RALGAPA1: variants seen among roughly 807,000 people sequenced by gnomAD.
RALGAPA1 encodes the protein ral GTPase-activating protein subunit alpha-1.
Under a neutral mutation model 269.6 loss-of-function variants are expected in RALGAPA1, and 52 were observed. The ratio of observed to expected loss-of-function variants is 0.19; its 90% CI spans 0.15 to 0.24. RALGAPA1 has a LOEUF of 0.24. Among genes scored for constraint, RALGAPA1 ranks in the 10% least tolerant of loss-of-function variants. RALGAPA1 has a pLI of 1.00. For missense variants in RALGAPA1, 1,917 were observed against 3,013.9 expected (o/e 0.64, Z 8.52); for synonymous variants, 817 against 1,008.3 (o/e 0.81, Z 3.60).
intron 14 of RALGAPA1, chr14:35,723,825 A>C (rs1452767935): frequency 1.3e-5 from 2 of 152,180 alleles, no homozygotes; most frequent in Non-Finnish European, 2.9e-5. Flanking sequence ...CAGGATAAAA[A>C]AATTCATAAA....
At chr14:35,645,346 GGT>G (rs58039867) in intron 31 of RALGAPA1, among the ~76,000 whole-genome samples, 31,150 of 129,366 alleles carry the variant, frequency 0.24, 3,639 homozygotes, top group Admixed American at 0.31. Flanking sequence ...TATAGAGATG[GGT>G]GTGTGTGTGT....
At chr14:35,701,640 TTTTTTC>T (rs1425376804) in intron 16 of RALGAPA1, among the ~76,000 whole-genome samples, 1 of 152,168 alleles carries the variant, frequency 6.6e-6, no homozygotes, top group Non-Finnish European at 1.5e-5. Flanking sequence ...TGAAAAACTT[TTTTTTC>T]TTTTTCTTTT....
intron 39 of RALGAPA1, among the ~76,000 whole-genome samples, chr14:35,566,021 C>G (rs979487140): frequency 1.3e-5 from 2 of 152,096 alleles, no homozygotes; most frequent in Non-Finnish European, 2.9e-5. Context: ...TGAAATACCT[C>G]TCTGGTCCAA....
chr14:35,590,966 GAAGA>G (rs1332573836), intron 37 of RALGAPA1, among the ~76,000 whole-genome samples: 1 of 152,178 alleles, frequency 6.6e-6, no homozygotes, highest in Non-Finnish European at 1.5e-5. Flanking sequence ...AACAAACTGA[GAAGA>G]AAGAGGAGAA....
chr14:35,711,841 T>C (rs1021830812), intron 16 of RALGAPA1, among the ~76,000 whole-genome samples: 1 of 152,140 alleles, frequency 6.6e-6, no homozygotes, highest in Admixed American at 6.5e-5. Flanking sequence ...GATTCCCAAT[T>C]CCTCCTTCTC....
At chr14:35,797,379 TAA>T (rs928235515) in intron 1 of RALGAPA1, among the ~76,000 whole-genome samples, 1 of 106,140 alleles carries the variant, frequency 9.4e-6, no homozygotes, top group Non-Finnish European at 1.8e-5. Context: ...GATGCCAAAG[TAA>T]AGACTTTTTC....
chr14:35,792,435 G>A (rs938476682), intron 1 of RALGAPA1, among the ~76,000 whole-genome samples: 2 of 151,852 alleles, frequency 1.3e-5, no homozygotes, highest in African/African-American at 4.8e-5. Flanking sequence ...GGGATTATAG[G>A]CATGAACCAC....
intron 37 of RALGAPA1, among the ~76,000 whole-genome samples, chr14:35,590,228 AG>A (rs2058556179): frequency 6.6e-6 from 1 of 152,238 alleles, no homozygotes; most frequent in South Asian, 2.1e-4. Flanking sequence ...ATGCTTTCAT[AG>A]ACTTATTAAT....
chr14:35,786,594 C>T (rs2075814587), intron 1 of RALGAPA1, among the ~76,000 whole-genome samples: 1 of 152,154 alleles, frequency 6.6e-6, no homozygotes, highest in South Asian at 2.1e-4. Context: ...GCCGGGATCA[C>T]ACCACTGCAT....
intron 6 of RALGAPA1, among the ~76,000 whole-genome samples, chr14:35,759,736 C>T (rs963625651): frequency 1.3e-5 from 2 of 151,522 alleles, no homozygotes; most frequent in Non-Finnish European, 2.9e-5. Context: ...ATGGCGAAAC[C>T]CTGTCTCTAC....
intron 5 of RALGAPA1, among the ~76,000 whole-genome samples, chr14:35,761,799 T>C (rs1173394656): frequency 6.6e-6 from 1 of 152,224 alleles, no homozygotes; most frequent in African/African-American, 2.4e-5. Context: ...CCAGAGCTTG[T>C]TCATGGCCAC....
intron 1 of RALGAPA1, among the ~76,000 whole-genome samples, chr14:35,790,260 A>G (rs1475245505): frequency 6.6e-6 from 1 of 151,980 alleles, no homozygotes; most frequent in African/African-American, 2.4e-5. Flanking sequence ...TCAAAAAATA[A>G]ACAAAAAACA....
At chr14:35,674,380 A>G in intron 23 of RALGAPA1, 102 bp from the exon 24 acceptor site, 1 of 1,253,320 alleles carries the variant, frequency 8.0e-7, no homozygotes, top group Admixed American at 2.4e-5. Context: ...TTACTATTTA[A>G]TTACAATTAA....
chr14:35,721,098 T>C (rs1407267419), intron 16 of RALGAPA1, among the ~76,000 whole-genome samples: 1 of 152,190 alleles, frequency 6.6e-6, no homozygotes, highest in Non-Finnish European at 1.5e-5. Context: ...TGGTAGCTAA[T>C]TCCACAGTAC....
intron 1 of RALGAPA1, among the ~76,000 whole-genome samples, chr14:35,793,785 T>C (rs2076365545): frequency 6.6e-6 from 1 of 152,234 alleles, no homozygotes; most frequent in African/African-American, 2.4e-5. Flanking sequence ...AGCTCATCTC[T>C]GAAAACTGAT....
chr14:35,801,577 A>G (rs2076983212), intron 1 of RALGAPA1, among the ~76,000 whole-genome samples: 4 of 152,280 alleles, frequency 2.6e-5, no homozygotes, highest in Middle Eastern at 3.4e-3. Context: ...CATGAATCCT[A>G]TAATATTAAA....
intron 1 of RALGAPA1, among the ~76,000 whole-genome samples, chr14:35,779,054 T>A (rs1054259616): frequency 3.9e-5 from 6 of 152,094 alleles, no homozygotes; most frequent in Non-Finnish European, 8.8e-5. Context: ...ATGTAATACA[T>A]CTGTAAAAAA....
In RALGAPA1 at chr14:35,658,484, C is replaced by T. The variant is rs116994836; in HGVS notation, c.5387+654G>A. ...CACAGACCAATATTGTAGCAAATGA[C>T]GTACTATTAGAATTAGCATCAAGAA... On this transcript the variant is annotated intron_variant, in intron 28 of 41. Transcript: ENST00000680220. Among the ~76,000 whole-genome samples the T allele has an allele frequency of 9.7e-3, 1,468 of 151,996 alleles. 68 individuals carry two copies. The South Asian group carries it at 0.14, about 15-fold the overall frequency.
In RALGAPA1 at chr14:35,539,520, C is replaced by T. The variant is rs374827448; in HGVS notation, c.*194G>A. 14 of 1,606,464 alleles carry T rather than the reference C, an allele frequency of 8.7e-6. No individual in the cohort carries two copies. The African/African-American group carries it at 1.5e-4, about 17-fold the overall frequency. On this transcript the variant is annotated 3_prime_UTR_variant, in exon 42 of 42. Coordinates refer to ENST00000680220, the MANE Select transcript of RALGAPA1 (RefSeq NM_001346249.2). ...TCGTGCTAAGGTGGCTACTGCTGAT[C>T]ACTGCTGGGCTGCTTGTCTCCTTAG... is the stretch of plus-strand genomic sequence containing the variant.
Sources: gnomAD v4.1 joint callset for allele counts (sites outside exome capture counted in the v4.1 genomes callset) on GRCh38, gnomAD v4.1.1 for gene constraint, MANE v1.5 for transcripts, NCBI Gene and HGNC (gene_info 2026-07-23, HGNC 2026-07-21) for gene names.